The following TTC9B variants were observed in gnomAD, a reference collection of about 807,000 sequenced individuals.
TTC9B encodes the protein tetratricopeptide repeat protein 9B.
TTC9B carries 12 observed loss-of-function variants against 19.4 expected under a neutral mutation model. The observed-to-expected ratio is 0.62, with a 90% confidence interval of 0.40 to 1.00. TTC9B has a LOEUF of 1.00. Ranked by LOEUF, TTC9B falls within the 50% of genes least tolerant of loss-of-function variation. TTC9B has a pLI of 0.00. For missense variants in TTC9B, 316 were observed against 345.2 expected, an observed-to-expected ratio of 0.92 and a Z score of 0.67; for synonymous variants, 156 against 158.6, an observed-to-expected ratio of 0.98 and a Z score of 0.12.
In TTC9B at chr19:40,218,023, G is replaced by T; in HGVS notation, c.359C>A (p.Ala120Glu). The T allele has an allele frequency of 6.7e-7, 1 of 1,486,478 alleles. No homozygotes were observed. The highest frequency in any genetic ancestry group is 8.9e-7 in the Non-Finnish European group (1 of 1,122,456). 92.1% of individuals were successfully genotyped at this position (1,486,478 alleles called of 1,614,324 possible). Residue 120 changes from alanine (A) to glutamate (E), a missense_variant, in exon 1 of 3, where the codon GCG becomes GAG. Physicochemically the swap from Ala to Glu is moderately radical, Grantham distance 107. Coordinates refer to ENST00000311308, the MANE Select transcript of TTC9B (RefSeq NM_152479.6). This position sits in a 1 kb window ranked among gnomAD's most constrained non-coding sequence, Gnocchi z 4.2. ...APGPTSSPGP[A>E]RLSEEQRRLV... The stretch of plus-strand genomic sequence containing the variant: ...GCGCCGCTGCTCCTCGCTGAGGCGC[G>T]CCGGCCCGGGGCTGCTGGTGGGCCC...
At chr19:40,216,414 C>T in intron 2 of TTC9B, 142 bp from the exon 3 acceptor site, 2 of 642,166 alleles carry the variant, frequency 3.1e-6, no homozygotes, top group Non-Finnish European at 5.6e-6. Flanking sequence ...TTCCCCAAAG[C>T]CCCAGTCACA....
In TTC9B at chr19:40,218,088, C is replaced by A. The variant is rs528194068; in HGVS notation, c.294G>T (p.Ala98=). The change falls in exon 1 of 3, where the codon GCG becomes GCT. Residue 98 remains alanine (A), a synonymous_variant. Coordinates refer to ENST00000311308, the MANE Select transcript of TTC9B (RefSeq NM_152479.6). This position sits in a 1 kb window ranked among gnomAD's most constrained non-coding sequence, Gnocchi z 4.2. The part of the protein sequence containing the change: ...YHRALLQLKA[A]QGARPSGLPA... ...GCAGGCCGCTAGGGCGGGCCCCCTG[C>A]GCCGCCTTCAGCTGCAGCAGCGCTC... The A allele has an allele frequency of 3.2e-4, 493 of 1,552,226 alleles. 11 individuals are homozygous for A. In the South Asian group the frequency reaches 5.7e-3, roughly 18 times the overall value.
At chr19:40,217,099 G>A in intron 2 of TTC9B, 88 bp downstream of exon 2, 2 of 1,434,214 alleles carry the variant, frequency 1.4e-6, no homozygotes, top group Non-Finnish European at 1.9e-6. Flanking sequence ...CTGCTATTCT[G>A]CCCTGATCTT....
chr19:40,216,355 C>A, intron 2 of TTC9B, 83 bp from the exon 3 acceptor site: 2 of 1,018,350 alleles, frequency 2.0e-6, no homozygotes, highest in South Asian at 2.7e-5. Flanking sequence ...ACACCCCATT[C>A]TCCGAAGTAT....
At position 40,218,114 on chromosome 19, in the gene TTC9B, G is replaced by A. The variant is rs1308307279; in HGVS notation, c.268C>T (p.Arg90Ter). 1.9e-6 allele frequency: 3 copies of A among 1,569,738 alleles called. No individual in the cohort carries two copies. Among genetic ancestry groups the A allele is most frequent in the Admixed American group, 1.9e-5 (1 of 53,608 alleles). Residue 90 changes from arginine to a stop codon, truncating the protein, a stop_gained, in exon 1 of 3, where the codon CGA becomes TGA. Transcript: ENST00000311308. LOFTEE classifies it high-confidence loss of function. The surrounding 1 kb of genome is among the most constrained non-coding windows in gnomAD (Gnocchi z 4.2). Reference sequence around the variant, plus strand: ...GCCGCCTTCAGCTGCAGCAGCGCTCGGTGGTACTTGCCGATGGCCTCCCGG... The same window carrying A: ...GCCGCCTTCAGCTGCAGCAGCGCTCAGTGGTACTTGCCGATGGCCTCCCGG... ...KFREAIGKYH[R>*]ALLQLKAAQG...
chr19:40,216,165 A>AG lies in TTC9B; in HGVS notation c.717dup (p.Ter240LeufsTer?). The AG allele has an allele frequency of 6.2e-7, 1 of 1,613,074 alleles. No individual in the cohort carries two copies. The highest frequency in any genetic ancestry group is 8.5e-7 in the Non-Finnish European group (1 of 1,178,986). ...AGAGAGGTCCCCCTGGATTGGCCTC[A>AG]GCCAATTACATCCCGAGTCTGGGAC... On this transcript the variant is annotated frameshift_variant, in exon 3 of 3. Transcript: ENST00000311308. LOFTEE classifies it high-confidence loss of function.
At chr19:40,216,955 T>A (rs1352306294) in intron 2 of TTC9B, 2 of 589,084 alleles carry the variant, frequency 3.4e-6, no homozygotes, top group African/African-American at 1.9e-5. Context: ...GCCGGGGAGA[T>A]GTCAGAGGAG....
chr19:40,217,286 A>T lies in TTC9B; in HGVS notation c.511T>A (p.Phe171Ile). 6.2e-7 allele frequency: 1 copy of T among 1,614,062 alleles called. No individual in the cohort carries two copies. The highest frequency in any genetic ancestry group is 1.1e-5 in the South Asian group (1 of 91,086). Residue 171 changes from phenylalanine (F) to isoleucine (I), a missense_variant, in exon 2 of 3, where the codon TTC becomes ATC. By Grantham distance (21) the Phe-to-Ile change is conservative. Coordinates refer to ENST00000311308, the MANE Select transcript of TTC9B (RefSeq NM_152479.6). ...ATGCCGGCACGGTAGGTGGCCTTGA[A>T]GTTGCCCTGCTGCTTCTCCAGTACC... The part of the protein sequence containing the change: ...LKVLEKQQGN[F>I]KATYRAGIAF...
chr19:40,216,218 C>T lies in TTC9B; in HGVS notation c.665G>A (p.Ser222Asn). ...AGCCCCACTGTCTTCCCGCTGGAGG[C>T]TGCAACGATTCATCTTCAGCTGAGT... ...QLTQLKMNRC[S>N]LQREDSGAGS... The change falls in exon 3 of 3, where the codon AGC (serine) becomes AAC (asparagine). Residue 222 changes from serine to asparagine, a missense_variant. Physicochemically the swap from Ser to Asn is conservative, Grantham distance 46 (BLOSUM62 1). Transcript: ENST00000311308. The T allele has an allele frequency of 6.2e-7, 1 of 1,614,218 alleles. No individual in the cohort carries two copies. Among genetic ancestry groups the T allele is most frequent in the South Asian group, 1.1e-5 (1 of 91,092 alleles).
At chr19:40,216,884 G>T in intron 2 of TTC9B, 1 of 521,448 alleles carries the variant, frequency 1.9e-6, no homozygotes, top group Non-Finnish European at 3.5e-6. Context: ...GGTGGATAGG[G>T]AAGTGACTGA....
At position 40,217,356 on chromosome 19, in the gene TTC9B, C is replaced by A; in HGVS notation, c.441G>T (p.Gln147His). The A allele has an allele frequency of 6.2e-7, 1 of 1,612,454 alleles. No individual in the cohort carries two copies. Among genetic ancestry groups the A allele is most frequent in the Admixed American group, 1.7e-5 (1 of 59,982 alleles). The change falls in exon 2 of 3, where the codon CAG (glutamine) becomes CAT (histidine). Residue 147 changes from glutamine (Q) to histidine (H), a missense_variant. Gln to His is a conservative substitution (Grantham distance 24, BLOSUM62 0). Transcript: ENST00000311308. ...CYDSLTACLL[Q>H]SELVNYERVR... ...CGCGCTCGTAGTTTACCAGCTCCGACTGCAGCAGGCAAGCTGCGAGGGCCC... is the reference window on the plus strand; with the variant it reads ...CGCGCTCGTAGTTTACCAGCTCCGAATGCAGCAGGCAAGCTGCGAGGGCCC...
Position 40,217,306 on chromosome 19 carries a change from A to G in TTC9B, c.491T>C (p.Leu164Pro). Residue 164 changes from leucine to proline, a missense_variant, in exon 2 of 3, where the codon CTG becomes CCG. Transcript: ENST00000311308. ...CTTGAAGTTGCCCTGCTGCTTCTCC[A>G]GTACCTTGAGACAGTACTCGCGCAC... The part of the protein sequence containing the change: ...ERVREYCLKV[L>P]EKQQGNFKAT... 4 of 1,614,044 alleles carry G rather than the reference A, an allele frequency of 2.5e-6. No homozygotes were observed. Among genetic ancestry groups the G allele is most frequent in the East Asian group, 2.2e-5 (1 of 44,866 alleles).
intron 1 of TTC9B, 89 bp from the exon 2 acceptor site, chr19:40,217,458 G>A (rs1037355564): frequency 3.9e-5 from 58 of 1,494,628 alleles, no homozygotes; most frequent in Non-Finnish European, 5.1e-5. Flanking sequence ...CCAGGCGGCA[G>A]GGAACCAGGC....
At chr19:40,217,040 A>T in intron 2 of TTC9B, 147 bp downstream of exon 2, 1 of 797,954 alleles carries the variant, frequency 1.3e-6, no homozygotes, top group Non-Finnish European at 2.0e-6. Context: ...TGTAGGGAGT[A>T]GGTGGGTGGC....
In TTC9B at chr19:40,217,181, A is replaced by G. The variant is rs1973379080; in HGVS notation, c.610+6T>C. The G allele has an allele frequency of 1.2e-6, 2 of 1,609,520 alleles. No homozygotes were observed. Among genetic ancestry groups the G allele is most frequent in the Non-Finnish European group, 1.7e-6 (2 of 1,178,804 alleles). Reference sequence around the variant, plus strand: ...GCCCTCACCTCTGCCCCGCCCCGCCACTCACCTGTGGGTTCCCGGCTGCGG... The same window carrying G: ...GCCCTCACCTCTGCCCCGCCCCGCCGCTCACCTGTGGGTTCCCGGCTGCGG... On this transcript the variant is annotated splice_donor_region_variant and intron_variant, in intron 2 of 2. Coordinates refer to ENST00000311308, the MANE Select transcript of TTC9B (RefSeq NM_152479.6).
In TTC9B at chr19:40,218,338, G is replaced by A. The variant is rs1973401233; in HGVS notation, c.44C>T (p.Ala15Val). 4 of 1,351,416 alleles carry A rather than the reference G, an allele frequency of 3.0e-6. 1 individual carries two copies. Among genetic ancestry groups the A allele is most frequent in the South Asian group, 3.7e-5 (2 of 54,372 alleles). 83.7% of individuals were successfully genotyped at this position (1,351,416 alleles called of 1,614,324 possible). Residue 15 changes from alanine to valine, a missense_variant, in exon 1 of 3, where the codon GCC becomes GTC. By Grantham distance (64) the Ala-to-Val change is moderately conservative (BLOSUM62 0). Transcript: ENST00000311308. This position sits in a 1 kb window ranked among gnomAD's most constrained non-coding sequence, Gnocchi z 4.2. ...ALSPVLMLSAAPEPPPRPPPA... is the reference protein window; with the variant it reads ...ALSPVLMLSAVPEPPPRPPPA... Reference sequence around the variant, plus strand: ...AGGCGGGCGCGGCGGAGGCTCCGGGGCAGCGCTGAGCATCAGCACCGGGGA... The same window carrying A: ...AGGCGGGCGCGGCGGAGGCTCCGGGACAGCGCTGAGCATCAGCACCGGGGA...
At chr19:40,217,712 T>C in intron 1 of TTC9B, 2 of 527,876 alleles carry the variant, frequency 3.8e-6, no homozygotes, top group South Asian at 5.9e-5. Context: ...AAAGAATGAC[T>C]CAGGGGAAGC....
chr19:40,217,395 C>T, intron 1 of TTC9B, 26 bp from the exon 2 acceptor site: 1 of 1,604,330 alleles, frequency 6.2e-7, no homozygotes, highest in Non-Finnish European at 8.5e-7. Context: ...GGCCGGCACT[C>T]TCAGAGCCTG....
chr19:40,217,161 C>T, intron 2 of TTC9B, 26 bp downstream of exon 2: 1 of 1,597,482 alleles, frequency 6.3e-7, no homozygotes, highest in Non-Finnish European at 8.5e-7. Context: ...GCCCAGCCCT[C>T]ACCTCTGCCC....
Sources: gnomAD v4.1 joint callset for allele counts on GRCh38, gnomAD v4.1.1 for gene constraint, Gnocchi (gnomAD v3.1) non-coding constraint, MANE v1.5 for transcripts, NCBI Gene and HGNC (gene_info 2026-07-23, HGNC 2026-07-21) for gene names.